Variants in SEC31A observed in about 807,000 individuals in gnomAD.
SEC31A encodes the protein SEC31 homolog A, COPII component.
In SEC31A, 70 loss-of-function variants were observed where a neutral mutation model predicts 151.0. The observed-to-expected ratio is 0.46, with a 90% CI of 0.38 to 0.57. The LOEUF (loss-of-function observed/expected upper bound fraction) is 0.57. Ranked by LOEUF, SEC31A falls within the 20% of genes least tolerant of loss-of-function variation. SEC31A has a pLI of 0.00. For synonymous variants in SEC31A, 475 were observed against 505.9 expected, an observed-to-expected ratio of 0.94 and a Z score of 0.82; for missense variants, 1,330 against 1,471.2, an observed-to-expected ratio of 0.90 and a Z score of 1.57.
intron 8 of SEC31A, among the ~76,000 whole-genome samples, chr4:82,868,968 T>C (rs921219336): frequency 6.6e-6 from 1 of 152,124 alleles, no homozygotes; most frequent in Non-Finnish European, 1.5e-5. Flanking sequence ...ACATTTAAAA[T>C]GTTTCATTTT....
chr4:82,856,642 T>C (rs938485474), intron 16 of SEC31A, among the ~76,000 whole-genome samples: 2 of 151,892 alleles, frequency 1.3e-5, no homozygotes, highest in African/African-American at 4.8e-5. Flanking sequence ...TCCCAGCTAC[T>C]TGGGAGGCTG....
chr4:82,864,831 A>G (rs1734958012), intron 10 of SEC31A, among the ~76,000 whole-genome samples: 1 of 151,356 alleles, frequency 6.6e-6, no homozygotes, highest in African/African-American at 2.4e-5. Context: ...GCTGGAGTGC[A>G]AAGGTGGGAT....
At chr4:82,870,128 T>G (rs1042612548) in intron 8 of SEC31A, among the ~76,000 whole-genome samples, 197 bp downstream of exon 8, 1 of 152,220 alleles carries the variant, frequency 6.6e-6, no homozygotes, top group Non-Finnish European at 1.5e-5. Context: ...ACTATTTGAA[T>G]TACTGATTTT....
upstream of SEC31A, chr4:82,891,174 G>C (rs1719684644): frequency 6.5e-7 from 1 of 1,535,072 alleles, no homozygotes; most frequent in Non-Finnish European, 8.7e-7. Flanking sequence ...CTCCTCCCCG[G>C]CCAGGGCCAC....
chr4:82,862,903 T>A (rs1458478888), intron 12 of SEC31A, among the ~76,000 whole-genome samples: 2 of 152,202 alleles, frequency 1.3e-5, no homozygotes, highest in Non-Finnish European at 2.9e-5. Flanking sequence ...AATATAAAAC[T>A]CTAAAGGAGT....
chr4:82,858,954 G>T (rs952934762), intron 14 of SEC31A, among the ~76,000 whole-genome samples: 2 of 151,864 alleles, frequency 1.3e-5, no homozygotes, highest in African/African-American at 2.4e-5. Flanking sequence ...GCCCTCCTTG[G>T]CCTCCCAAAG....
chr4:82,841,465 T>TATATATATATATATATATATATATAC (rs200595591), intron 22 of SEC31A, among the ~76,000 whole-genome samples: 1 of 103,198 alleles, frequency 9.7e-6, no homozygotes, highest in African/African-American at 3.6e-5. Flanking sequence ...TATATATATA[T>TATATATATATATATATATATATATAC]ATACACACAC....
rs1331139151 is a variant in SEC31A at position 82,867,146 on chromosome 4, T to A, written c.1044+9A>T. On this transcript the variant is annotated intron_variant, in intron 9 of 26. Coordinates refer to ENST00000395310, the MANE Select transcript of SEC31A (RefSeq NM_001077207.4). ...CATTATAATAGAAAACTTTAACACT[T>A]CCTATTACCTTGTCAACTTGTTTCT... is the stretch of plus-strand genomic sequence containing the variant. The A allele has an allele frequency of 6.2e-7, 1 of 1,610,364 alleles. No homozygotes were observed. Among genetic ancestry groups the A allele is most frequent in the African/African-American group, 1.3e-5 (1 of 74,806 alleles).
At chr4:82,841,442 T>TTATATATATATATATATATATGTA (rs1553926940) in intron 22 of SEC31A, among the ~76,000 whole-genome samples, 3 of 64,460 alleles carry the variant, frequency 4.7e-5, no homozygotes, top group Non-Finnish European at 1.1e-4. Flanking sequence ...AAAAAAAATT[T>TTATATATATATATATATATATGTA]TATATATATA....
chr4:82,898,796 C>T (rs189609152), intron 3 of SEC31A, among the ~76,000 whole-genome samples: 1 of 152,236 alleles, frequency 6.6e-6, no homozygotes, highest in East Asian at 1.9e-4. Flanking sequence ...AATGGTGCAG[C>T]CACTAGGGAA....
rs973199562 is a variant in SEC31A at position 82,827,735 on chromosome 4, A to G, written c.3028-103T>C. 1.7e-5 allele frequency: 19 copies of G among 1,111,902 alleles called. No individual in the cohort carries two copies. The East Asian group carries it at 2.9e-4, about 17-fold the overall frequency. The allele number at this position is 1,111,902 out of a possible 1,614,324, so 68.9% of individuals were successfully genotyped here. A position where few individuals can be genotyped will look rare whatever the true frequency, so the allele number is the denominator to read the frequency against. ...GAGTTAGGTTATACCACGGCTAAAC[A>G]AATTTTTTAATAGTAGTAGAATACT... On this transcript the variant is annotated intron_variant, in intron 23 of 26. Coordinates refer to ENST00000395310, the MANE Select transcript of SEC31A (RefSeq NM_001077207.4).
chr4:82,868,373 C>A (rs1468729161), intron 8 of SEC31A, among the ~76,000 whole-genome samples: 1 of 152,002 alleles, frequency 6.6e-6, no homozygotes, highest in Non-Finnish European at 1.5e-5. Flanking sequence ...CGGTGCTGCA[C>A]GCCTGTAGTC....
chr4:82,835,036 G>A (rs1198704784), intron 22 of SEC31A, among the ~76,000 whole-genome samples: 1 of 152,022 alleles, frequency 6.6e-6, no homozygotes, highest in Non-Finnish European at 1.5e-5. Flanking sequence ...AGTAGAGATG[G>A]GGGTTTCATC....
At chr4:82,825,861 G>A (rs562846886) in intron 24 of SEC31A, among the ~76,000 whole-genome samples, 5 of 152,300 alleles carry the variant, frequency 3.3e-5, no homozygotes, top group East Asian at 3.9e-4. Context: ...TAATATCGAC[G>A]AGACTTGGGG....
At position 82,879,794 on chromosome 4, in the gene SEC31A, C is replaced by T. The variant is rs543931579; in HGVS notation, c.204-866G>A. Among the ~76,000 whole-genome samples, 18 of 152,218 alleles carry T rather than the reference C, an allele frequency of 1.2e-4. No individual in the cohort carries two copies. The East Asian group carries it at 2.5e-3, about 21-fold the overall frequency. ...ATGAAGACCTCCTTTCTCTGCATTA[C>T]AATAGGGCATAAGTACTTGAAAGTA... On this transcript the variant is annotated intron_variant, in intron 3 of 26. Transcript: ENST00000395310.
At chr4:82,840,135 G>GT (rs1336478022) in intron 22 of SEC31A, among the ~76,000 whole-genome samples, 3 of 152,084 alleles carry the variant, frequency 2.0e-5, no homozygotes, top group African/African-American at 7.2e-5. Context: ...AAGAAACTCA[G>GT]TTTTTTCATC....
chr4:82,880,229 C>T (rs906808806), intron 3 of SEC31A, among the ~76,000 whole-genome samples: 1 of 151,392 alleles, frequency 6.6e-6, no homozygotes, highest in East Asian at 1.9e-4. Flanking sequence ...ACCAAAAAAA[C>T]AGAAAAAAAT....
intron 1 of SEC31A, among the ~76,000 whole-genome samples, chr4:82,886,066 G>C (rs1393225661): frequency 1.3e-5 from 2 of 152,148 alleles, no homozygotes; most frequent in African/African-American, 4.8e-5. Context: ...ATTGGAACTT[G>C]CAAGTTTAGC....
chr4:82,873,626 C>A (rs1017059928), intron 6 of SEC31A, among the ~76,000 whole-genome samples: 5 of 152,134 alleles, frequency 3.3e-5, no homozygotes. Context: ...GAAAACAATA[C>A]TCTGAAGAAG....
Sources: gnomAD v4.1 joint callset for allele counts (sites outside exome capture counted in the v4.1 genomes callset) on GRCh38, gnomAD v4.1.1 for gene constraint, MANE v1.5 for transcripts, NCBI Gene and HGNC (gene_info 2026-07-23, HGNC 2026-07-21) for gene names.